Variants in ADAMTSL1 observed in about 807,000 individuals in gnomAD.
ADAMTSL1 encodes ADAMTS-like protein 1.
ADAMTSL1 carries 126 observed loss-of-function variants against 201.8 expected under a neutral mutation model. That is an observed-to-expected ratio of 0.62 (90% confidence interval 0.54 to 0.72). The LOEUF (loss-of-function observed/expected upper bound fraction) is 0.72. Among genes scored for constraint, ADAMTSL1 ranks in the 30% least tolerant of loss-of-function variants. ADAMTSL1 has a pLI of 0.00. For missense variants in ADAMTSL1, 2,679 were observed against 2,277.8 expected (o/e 1.18, Z -3.59); for synonymous variants, 1,121 against 903.4 (o/e 1.24, Z -4.32).
chr9:18,799,750 T>C (rs569277332), intron 20 of ADAMTSL1, among the ~76,000 whole-genome samples: 1 of 152,076 alleles, frequency 6.6e-6, no homozygotes, highest in Non-Finnish European at 1.5e-5. Context: ...AGCATGTTTT[T>C]TTGCTCTTTA....
intron 1 of ADAMTSL1, among the ~76,000 whole-genome samples, chr9:18,031,442 T>G (rs1268574771): frequency 1.3e-5 from 2 of 152,220 alleles, no homozygotes; most frequent in African/African-American, 4.8e-5. Context: ...TGTTGTAGAT[T>G]GCTTCCTGCA....
At chr9:18,834,919 T>G (rs58910226) in intron 23 of ADAMTSL1, among the ~76,000 whole-genome samples, 17,579 of 152,200 alleles carry the variant, frequency 0.12, 1,101 homozygotes, top group East Asian at 0.21. Context: ...ACAAATCTGC[T>G]GTGAAATTCA....
chr9:18,221,078 T>TA (rs1369657505), intron 2 of ADAMTSL1, among the ~76,000 whole-genome samples: 1 of 152,140 alleles, frequency 6.6e-6, no homozygotes, highest in African/African-American at 2.4e-5. Context: ...CCCAGCCCGT[T>TA]ACTCCTAAAT....
intron 1 of ADAMTSL1, among the ~76,000 whole-genome samples, chr9:17,946,371 G>A (rs962292913): frequency 7.2e-5 from 11 of 151,938 alleles, no homozygotes; most frequent in East Asian, 1.9e-4. Context: ...GAACATTCTC[G>A]TAAATGGAAA....
At chr9:18,564,344 C>T (rs1564052556) in intron 3 of ADAMTSL1, among the ~76,000 whole-genome samples, 2 of 152,176 alleles carry the variant, frequency 1.3e-5, no homozygotes, top group Admixed American at 6.5e-5. Context: ...ATTGCAGCTA[C>T]TGTCTAACCA....
At chr9:17,972,777 C>T (rs1818265375) in intron 1 of ADAMTSL1, among the ~76,000 whole-genome samples, 1 of 144,630 alleles carries the variant, frequency 6.9e-6, no homozygotes, top group African/African-American at 2.5e-5. Flanking sequence ...TATAGTCCCA[C>T]CAACAGTGTA....
chr9:18,536,963 G>A (rs1819813594), intron 3 of ADAMTSL1, among the ~76,000 whole-genome samples: 1 of 152,130 alleles, frequency 6.6e-6, no homozygotes, highest in South Asian at 2.1e-4. Context: ...CATATGAGTT[G>A]GTATTTAGGA....
At chr9:17,960,537 G>C (rs1199808533) in intron 1 of ADAMTSL1, among the ~76,000 whole-genome samples, 1 of 152,102 alleles carries the variant, frequency 6.6e-6, no homozygotes, top group Non-Finnish European at 1.5e-5. Context: ...AACCTGCTTT[G>C]GGTCTCAGTT....
At chr9:18,175,540 C>T (rs1218773225) in intron 2 of ADAMTSL1, among the ~76,000 whole-genome samples, 1 of 152,184 alleles carries the variant, frequency 6.6e-6, no homozygotes, top group East Asian at 1.9e-4. Flanking sequence ...AATCTTGCTT[C>T]TGACAATATC....
chr9:17,954,888 G>A (rs1475544039), intron 1 of ADAMTSL1, among the ~76,000 whole-genome samples: 1 of 152,256 alleles, frequency 6.6e-6, no homozygotes, highest in Admixed American at 6.5e-5. Flanking sequence ...ATTTGAAGAT[G>A]CTGGACCTGG....
chr9:18,669,722 A>G (rs1377252962), intron 9 of ADAMTSL1, among the ~76,000 whole-genome samples: 1 of 152,192 alleles, frequency 6.6e-6, no homozygotes, highest in African/African-American at 2.4e-5. Context: ...GTAAGCTCTG[A>G]GTTCTACTCT....
At chr9:18,529,428 G>A (rs1383459095) in intron 2 of ADAMTSL1, among the ~76,000 whole-genome samples, 2 of 152,078 alleles carry the variant, frequency 1.3e-5, no homozygotes, top group Non-Finnish European at 2.9e-5. Flanking sequence ...ATAGACTTAG[G>A]AGTTAGTCAC....
intron 1 of ADAMTSL1, among the ~76,000 whole-genome samples, chr9:18,476,714 G>A (rs1023101376): frequency 1.3e-5 from 2 of 152,006 alleles, no homozygotes; most frequent in Non-Finnish European, 1.5e-5. Flanking sequence ...CAAGGATTCT[G>A]TCTATTCTTG....
intron 1 of ADAMTSL1, among the ~76,000 whole-genome samples, chr9:18,048,019 A>G (rs890166834): frequency 2.0e-5 from 3 of 152,162 alleles, no homozygotes; most frequent in Admixed American, 1.3e-4. Context: ...TTGAACACTT[A>G]ACTGTCAGAA....
At chr9:18,630,290 T>C (rs1344276225) in intron 5 of ADAMTSL1, among the ~76,000 whole-genome samples, 1 of 152,208 alleles carries the variant, frequency 6.6e-6, no homozygotes, top group Non-Finnish European at 1.5e-5. Flanking sequence ...TGGGATAAGA[T>C]ACTATTCTCA....
At chr9:17,967,970 G>A (rs1818046409) in intron 1 of ADAMTSL1, among the ~76,000 whole-genome samples, 1 of 152,118 alleles carries the variant, frequency 6.6e-6, no homozygotes, top group Non-Finnish European at 1.5e-5. Flanking sequence ...CTTGTGAACT[G>A]TTCCATCTCA....
intron 2 of ADAMTSL1, among the ~76,000 whole-genome samples, chr9:18,283,027 A>T (rs1007644430): frequency 2.0e-5 from 3 of 152,192 alleles, no homozygotes; most frequent in African/African-American, 7.2e-5. Flanking sequence ...ACCTTTTCTA[A>T]CAGTTGTTTA....
chr9:18,905,549 A>G, intron 26 of ADAMTSL1: 2 of 535,736 alleles, frequency 3.7e-6, no homozygotes, highest in South Asian at 4.4e-5. Flanking sequence ...GTTCTACACT[A>G]CCATTAGCCA....
intron 1 of ADAMTSL1, among the ~76,000 whole-genome samples, chr9:17,932,383 C>T (rs908579307): frequency 5.3e-5 from 8 of 151,802 alleles, no homozygotes; most frequent in East Asian, 1.9e-4. Context: ...GAGGCTGTTT[C>T]GAGGAGGAAA....
Sources: allele counts gnomAD v4.1 joint callset (sites outside exome capture counted in the v4.1 genomes callset), GRCh38; gene constraint gnomAD v4.1.1; transcripts MANE v1.5; gene names NCBI Gene and HGNC (gene_info 2026-07-23, HGNC 2026-07-21).